The following AGBL4 variants were observed in gnomAD, a reference collection of about 807,000 sequenced individuals.
AGBL4 encodes the protein cytosolic carboxypeptidase 6.
Under a neutral mutation model 66.4 loss-of-function variants are expected in AGBL4, and 58 were observed. That is an observed-to-expected ratio of 0.87 (90% confidence interval 0.71 to 1.09). AGBL4 has a LOEUF of 1.09. AGBL4 is among the 50% of genes least tolerant of loss of function. AGBL4 has a pLI of 0.00. For missense variants in AGBL4, 579 were observed against 631.0 expected, an observed-to-expected ratio of 0.92 and a Z score of 0.88; for synonymous variants, 234 against 222.9, an observed-to-expected ratio of 1.05 and a Z score of -0.44.
At chr1:49,604,527 GT>G in intron 3 of AGBL4, among the ~76,000 whole-genome samples, 1 of 152,100 alleles carries the variant, frequency 6.6e-6, no homozygotes, top group South Asian at 2.1e-4. Context: ...TAGGTCATCT[GT>G]TTACTTTGAT....
At chr1:49,846,102 G>T in intron 2 of AGBL4, 1 of 1,526,898 alleles carries the variant, frequency 6.5e-7, no homozygotes, top group African/African-American at 1.4e-5. Context: ...AACCAGTGTA[G>T]CCAGAGCTCC....
intron 3 of AGBL4, among the ~76,000 whole-genome samples, chr1:49,357,148 C>A (rs1644036700): frequency 6.6e-6 from 1 of 152,186 alleles, no homozygotes. Flanking sequence ...GCTGGGCCAA[C>A]AAAGAAGACT....
At chr1:49,927,955 T>C (rs906197564) in intron 1 of AGBL4, among the ~76,000 whole-genome samples, 3 of 152,200 alleles carry the variant, frequency 2.0e-5, no homozygotes, top group Non-Finnish European at 4.4e-5. Context: ...TTAACTGTAT[T>C]CCATATGTTC....
chr1:49,501,537 C>A (rs1570888690), intron 3 of AGBL4, among the ~76,000 whole-genome samples: 1 of 151,690 alleles, frequency 6.6e-6, no homozygotes, highest in African/African-American at 2.4e-5. Flanking sequence ...AGTCTTCTCC[C>A]TTTTTTTCTT....
chr1:49,781,305 G>A (rs1318261219), intron 2 of AGBL4, among the ~76,000 whole-genome samples: 3 of 152,040 alleles, frequency 2.0e-5, no homozygotes, highest in Admixed American at 1.3e-4. Flanking sequence ...GAGGCGGAAG[G>A]ATTGCTTGAG....
chr1:49,514,421 T>C (rs572260046), intron 3 of AGBL4, among the ~76,000 whole-genome samples: 37 of 152,138 alleles, frequency 2.4e-4, no homozygotes, highest in Non-Finnish European at 3.5e-4. Flanking sequence ...TCCATGCTCA[T>C]GGGTAGGAAG....
chr1:48,785,352 A>G (rs1383553434), intron 6 of AGBL4, among the ~76,000 whole-genome samples: 1 of 152,192 alleles, frequency 6.6e-6, no homozygotes, highest in Non-Finnish European at 1.5e-5. Flanking sequence ...GAATGAGTGC[A>G]TGTCTGAAAG....
chr1:48,942,052 C>A (rs1156566670), intron 5 of AGBL4, among the ~76,000 whole-genome samples: 1 of 152,166 alleles, frequency 6.6e-6, no homozygotes, highest in Non-Finnish European at 1.5e-5. Context: ...GAGGACTGTT[C>A]TATAAAGTCA....
At chr1:49,514,553 A>T (rs1447503988) in intron 3 of AGBL4, among the ~76,000 whole-genome samples, 3 of 152,068 alleles carry the variant, frequency 2.0e-5, no homozygotes, top group Non-Finnish European at 2.9e-5. Context: ...GTTCATATGG[A>T]ACCAAAAAAG....
intron 6 of AGBL4, among the ~76,000 whole-genome samples, chr1:48,779,540 A>G (rs1419211403): frequency 6.6e-6 from 1 of 152,178 alleles, no homozygotes; most frequent in Non-Finnish European, 1.5e-5. Context: ...CACTAGAATA[A>G]GAGCTCTTTG....
chr1:49,533,958 C>T (rs1439248870), intron 3 of AGBL4, among the ~76,000 whole-genome samples: 1 of 152,024 alleles, frequency 6.6e-6, no homozygotes, highest in Non-Finnish European at 1.5e-5. Flanking sequence ...AGCACAGAAT[C>T]TGCAGATTTG....
chr1:49,636,528 T>C lies in AGBL4; in HGVS notation c.282+60785A>G, dbSNP rs910331667. Among the ~76,000 whole-genome samples, 12 of 152,110 alleles carry C rather than the reference T, an allele frequency of 7.9e-5. No individual in the cohort carries two copies. The East Asian group carries it at 1.2e-3, about 15-fold the overall frequency. On this transcript the variant is annotated intron_variant, in intron 3 of 13. Transcript: ENST00000371839. ...CCATAGTAGTGAAATAGTCACACAA[T>C]GGATATATGGAAATGAGAATGAACA... is the stretch of plus-strand genomic sequence containing the variant.
At chr1:49,129,046 T>C (rs1024910221) in intron 4 of AGBL4, among the ~76,000 whole-genome samples, 5 of 151,934 alleles carry the variant, frequency 3.3e-5, no homozygotes, top group African/African-American at 1.2e-4. Flanking sequence ...GGGCAAAAGA[T>C]TTAAATAGAC....
intron 3 of AGBL4, among the ~76,000 whole-genome samples, chr1:49,604,127 C>T (rs920432608): frequency 6.6e-6 from 1 of 152,128 alleles, no homozygotes; most frequent in Non-Finnish European, 1.5e-5. Flanking sequence ...GGTAGATCTA[C>T]TTTTAGTTCT....
chr1:49,821,191 A>T (rs541258921), intron 2 of AGBL4, among the ~76,000 whole-genome samples: 1 of 152,138 alleles, frequency 6.6e-6, no homozygotes. Flanking sequence ...TTATTTATTC[A>T]TTCATTCATT....
At chr1:49,392,307 C>A (rs946364995) in intron 3 of AGBL4, among the ~76,000 whole-genome samples, 3 of 152,056 alleles carry the variant, frequency 2.0e-5, no homozygotes, top group African/African-American at 7.2e-5. Context: ...TTTTTGGGGG[C>A]ATTAAGTAGT....
At chr1:49,250,090 GA>G (rs1294458025) in intron 3 of AGBL4, among the ~76,000 whole-genome samples, 1 of 152,188 alleles carries the variant, frequency 6.6e-6, no homozygotes, top group East Asian at 1.9e-4. Context: ...GGAGGATTAA[GA>G]GAAGTTAATT....
Position 48,979,296 on chromosome 1 carries a change from T to C in AGBL4, c.594+66288A>G, listed in dbSNP as rs143474225. Among the ~76,000 whole-genome samples, 312 of 152,288 alleles carry C rather than the reference T, an allele frequency of 2.0e-3. 2 individuals carry two copies. The highest frequency in any genetic ancestry group is 7.3e-3 in the African/African-American group (302 of 41,578). ...TTCTAAAACATTACTCACTAATTCA[T>C]TTTATTTACTATTTCAACAAATATG... On this transcript the variant is annotated intron_variant, in intron 5 of 13. Coordinates refer to ENST00000371839, the MANE Select transcript of AGBL4 (RefSeq NM_032785.4).
intron 2 of AGBL4, among the ~76,000 whole-genome samples, chr1:49,769,427 A>G (rs1643989471): frequency 6.6e-6 from 1 of 152,210 alleles, no homozygotes; most frequent in South Asian, 2.1e-4. Context: ...TTCTTATCAA[A>G]CTACCAATGT....
Sources: gnomAD v4.1 joint callset for allele counts (sites outside exome capture counted in the v4.1 genomes callset) on GRCh38, gnomAD v4.1.1 for gene constraint, MANE v1.5 for transcripts, NCBI Gene and HGNC (gene_info 2026-07-23, HGNC 2026-07-21) for gene names.